FOXP1: variants seen among roughly 807,000 people sequenced by gnomAD.
The protein encoded by FOXP1 is forkhead box P1.
Under a neutral mutation model 98.2 loss-of-function variants are expected in FOXP1, and 15 were observed. The ratio of observed to expected loss-of-function variants is 0.15; its 90% CI spans 0.10 to 0.24. The LOEUF (loss-of-function observed/expected upper bound fraction) is 0.24. FOXP1 is among the 10% of genes least tolerant of loss of function. The pLI, the probability that FOXP1 is intolerant of heterozygous loss-of-function variation, is 1.00. For missense variants in FOXP1, 633 were observed against 848.5 expected (o/e 0.75, Z 3.15); for synonymous variants, 371 against 314.5 (o/e 1.18, Z -1.90).
intron 2 of FOXP1, among the ~76,000 whole-genome samples, chr3:71,510,076 G>A (rs1451866994): frequency 3.3e-5 from 5 of 152,150 alleles, no homozygotes; most frequent in Non-Finnish European, 7.3e-5. Context: ...AGCTACCAGG[G>A]AGGCTGAGGC....
chr3:71,573,732 T>C (rs1179179977), intron 2 of FOXP1: 2 of 152,200 alleles, frequency 1.3e-5, no homozygotes, highest in African/African-American at 4.8e-5. Flanking sequence ...AAGTTGCTTA[T>C]GGACATAGAT....
At chr3:71,041,249 T>G in intron 11 of FOXP1, 79 bp downstream of exon 11, 4 of 1,093,298 alleles carry the variant, frequency 3.7e-6, no homozygotes, top group Non-Finnish European at 5.7e-6. Context: ...TAGGGATCAC[T>G]GAGATATGAC....
At chr3:71,332,259 CG>C in intron 4 of FOXP1, 1 of 156,448 alleles carries the variant, frequency 6.4e-6, no homozygotes, top group Non-Finnish European at 1.4e-5. Context: ...ACTCCAGACG[CG>C]CCGCCTTAAG....
intron 5 of FOXP1, among the ~76,000 whole-genome samples, chr3:71,228,245 A>G (rs1468100555): frequency 6.6e-6 from 1 of 152,052 alleles, no homozygotes; most frequent in Non-Finnish European, 1.5e-5. Flanking sequence ...TTGGTACCTA[A>G]GTGGAGAACT....
chr3:70,971,565 A>G (rs943023629), intron 18 of FOXP1: 8 of 154,920 alleles, frequency 5.2e-5, no homozygotes, highest in African/African-American at 1.7e-4. Context: ...AGTGTATGCA[A>G]TATGACCTAT....
At chr3:71,177,384 C>T (rs978263159) in intron 6 of FOXP1, among the ~76,000 whole-genome samples, 1 of 152,186 alleles carries the variant, frequency 6.6e-6, no homozygotes, top group African/African-American at 2.4e-5. Context: ...TTTCTGAACT[C>T]AGCAAGAAAA....
intron 6 of FOXP1, among the ~76,000 whole-genome samples, chr3:71,123,076 T>C (rs761381919): frequency 3.9e-5 from 6 of 152,194 alleles, no homozygotes; most frequent in Non-Finnish European, 8.8e-5. Flanking sequence ...CTGTGAGCCA[T>C]AACCATATCC....
chr3:71,294,874 C>G (rs1341301503), intron 5 of FOXP1, among the ~76,000 whole-genome samples: 4 of 152,150 alleles, frequency 2.6e-5, no homozygotes, highest in African/African-American at 9.7e-5. Flanking sequence ...CTTTGGACAT[C>G]TCCATAGTGC....
At chr3:71,229,596 A>G (rs1398219994) in intron 5 of FOXP1, among the ~76,000 whole-genome samples, 15 of 152,178 alleles carry the variant, frequency 9.9e-5, no homozygotes, top group Admixed American at 9.8e-4. Context: ...AGGGAAAAAA[A>G]GGGTTCTCAA....
At chr3:71,246,921 T>C (rs1422779957) in intron 5 of FOXP1, among the ~76,000 whole-genome samples, 2 of 152,242 alleles carry the variant, frequency 1.3e-5, no homozygotes, top group Non-Finnish European at 2.9e-5. Flanking sequence ...ATGTGATTCT[T>C]ATAAAATACA....
intron 11 of FOXP1, among the ~76,000 whole-genome samples, chr3:71,018,296 A>T (rs2044821369): frequency 6.6e-6 from 1 of 152,230 alleles, no homozygotes; most frequent in African/African-American, 2.4e-5. Flanking sequence ...CTAGGGCCTT[A>T]GAACGCAATC....
chr3:71,318,589 T>C (rs1241846450), intron 4 of FOXP1, among the ~76,000 whole-genome samples: 1 of 152,224 alleles, frequency 6.6e-6, no homozygotes, highest in Non-Finnish European at 1.5e-5. Context: ...CCACTCTAAC[T>C]GCAAAATCAC....
At position 71,121,607 on chromosome 3, in the gene FOXP1, G is replaced by A. The variant is rs77707133; in HGVS notation, c.181-8970C>T. ...CGCTGAATCACTACACCAAGTCTCC[G>A]GCACCTGAGTTGTCTTTGGAGGGAT... is the stretch of plus-strand genomic sequence containing the variant. On this transcript the variant is annotated intron_variant, in intron 6 of 20. Coordinates refer to ENST00000649528, the MANE Select transcript of FOXP1 (RefSeq NM_001349338.3). 2.4e-3 allele frequency among the ~76,000 whole-genome samples: 363 copies of A among 151,890 alleles called. 1 individual carries two copies. Among genetic ancestry groups the A allele is most frequent in the African/African-American group, 7.9e-3 (325 of 41,250 alleles).
At chr3:71,152,670 GCT>G (rs936434144) in intron 6 of FOXP1, among the ~76,000 whole-genome samples, 7 of 152,164 alleles carry the variant, frequency 4.6e-5, no homozygotes, top group Admixed American at 4.6e-4. Flanking sequence ...ACTCTCTGAG[GCT>G]CTGTTTCCTT....
chr3:71,581,979 G>A, intron 1 of FOXP1: 2 of 778,652 alleles, frequency 2.6e-6, no homozygotes, highest in Non-Finnish European at 3.1e-6. Context: ...GGAATAGGGA[G>A]AAGGGGGTGG....
chr3:70,995,394 A>G (rs2140131), intron 13 of FOXP1, among the ~76,000 whole-genome samples: 27,753 of 152,136 alleles, frequency 0.18, 3,207 homozygotes, highest in East Asian at 0.56. Flanking sequence ...CATAACCTGT[A>G]TAAGATTATG....
chr3:71,256,299 C>T (rs2068617430), intron 5 of FOXP1, among the ~76,000 whole-genome samples: 1 of 152,076 alleles, frequency 6.6e-6, no homozygotes, highest in South Asian at 2.1e-4. Context: ...TCCACTATTC[C>T]TGTAGAGCTC....
chr3:71,456,231 G>A (rs1438474411), intron 3 of FOXP1, among the ~76,000 whole-genome samples: 1 of 152,026 alleles, frequency 6.6e-6, no homozygotes, highest in Non-Finnish European at 1.5e-5. Flanking sequence ...GCAAAGCACA[G>A]GGCAGCAGGC....
chr3:71,035,712 T>A (rs1012038348), intron 11 of FOXP1, among the ~76,000 whole-genome samples: 5 of 152,064 alleles, frequency 3.3e-5, no homozygotes, highest in African/African-American at 1.2e-4. Flanking sequence ...AGATTTAAAA[T>A]AACTAGCTTG....
Sources: allele counts gnomAD v4.1 joint callset (sites outside exome capture counted in the v4.1 genomes callset), GRCh38; gene constraint gnomAD v4.1.1; transcripts MANE v1.5; gene names NCBI Gene and HGNC (gene_info 2026-07-23, HGNC 2026-07-21).